The following CTIF variants were observed in gnomAD, a reference collection of about 807,000 sequenced individuals.
CTIF encodes the protein CBP80/20-dependent translation initiation factor.
A neutral mutation model predicts 66.0 loss-of-function variants in CTIF; 21 were observed. The observed-to-expected ratio is 0.32, with a 90% confidence interval of 0.23 to 0.46. CTIF has a LOEUF of 0.46. CTIF is among the 20% of genes least tolerant of loss of function. CTIF has a pLI of 1.00. For synonymous variants in CTIF, 345 were observed against 326.4 expected (o/e 1.06, Z -0.62); for missense variants, 739 against 812.7 (o/e 0.91, Z 1.10).
intron 9 of CTIF, among the ~76,000 whole-genome samples, chr18:48,790,893 C>T (rs1481539454): frequency 1.3e-5 from 2 of 152,190 alleles, no homozygotes; most frequent in Admixed American, 1.3e-4. Context: ...CCCGGATAGC[C>T]CTTCTCCTTC....
intron 10 of CTIF, among the ~76,000 whole-genome samples, chr18:48,834,047 C>A (rs1489398735): frequency 6.6e-6 from 1 of 152,146 alleles, no homozygotes; most frequent in Non-Finnish European, 1.5e-5. Flanking sequence ...CCTCCCCTCC[C>A]CTCCCGTTCT....
chr18:48,610,693 C>T (rs1244101784), intron 1 of CTIF, among the ~76,000 whole-genome samples: 8 of 152,366 alleles, frequency 5.3e-5, no homozygotes, highest in East Asian at 1.9e-4. Context: ...CCTTGCCTTC[C>T]GGCCAGCCAT....
At chr18:48,697,451 ATGG>A (rs2092023327) in intron 6 of CTIF, among the ~76,000 whole-genome samples, 2 of 152,222 alleles carry the variant, frequency 1.3e-5, no homozygotes, top group African/African-American at 4.8e-5. Context: ...ATTTGTGCTA[ATGG>A]TAAAAGCTGA....
At chr18:48,759,789 G>C (rs1342071384) in intron 8 of CTIF, among the ~76,000 whole-genome samples, 1 of 152,232 alleles carries the variant, frequency 6.6e-6, no homozygotes, top group African/African-American at 2.4e-5. Flanking sequence ...TCGGAAGAGA[G>C]GGGTACATGG....
chr18:48,624,917 A>G (rs184065591), intron 2 of CTIF, among the ~76,000 whole-genome samples: 5 of 152,324 alleles, frequency 3.3e-5, no homozygotes, highest in South Asian at 2.1e-4. Context: ...CTATAGCCCT[A>G]TTTTGATGCT....
At chr18:48,722,131 C>T (rs1274457688) in intron 7 of CTIF, among the ~76,000 whole-genome samples, 2 of 151,996 alleles carry the variant, frequency 1.3e-5, no homozygotes, top group Non-Finnish European at 2.9e-5. Flanking sequence ...TGCCTGCTGC[C>T]CCTGTGTATA....
intron 9 of CTIF, among the ~76,000 whole-genome samples, chr18:48,807,501 G>C (rs1481823281): frequency 9.6e-6 from 1 of 104,446 alleles, no homozygotes; most frequent in Non-Finnish European, 2.0e-5. Flanking sequence ...TGCAATTTCA[G>C]TTTTGCTTTT....
Position 48,752,181 on chromosome 18 carries a change from A to G in CTIF, c.585-5738A>G, listed in dbSNP as rs542627502. ...TCAATCTTGAATTGTTTTCTACCCAACTCTGAGCAAAGAGAGCCACAAAAT... is the reference window on the plus strand; with the variant it reads ...TCAATCTTGAATTGTTTTCTACCCAGCTCTGAGCAAAGAGAGCCACAAAAT... On this transcript the variant is annotated intron_variant, in intron 7 of 11. Transcript: ENST00000256413. 9.9e-5 allele frequency among the ~76,000 whole-genome samples: 15 copies of G among 152,234 alleles called. No individual in the cohort carries two copies. The South Asian group carries it at 1.7e-3, about 17-fold the overall frequency.
At chr18:48,699,088 C>G (rs952245629) in intron 6 of CTIF, among the ~76,000 whole-genome samples, 1 of 152,240 alleles carries the variant, frequency 6.6e-6, no homozygotes, top group African/African-American at 2.4e-5. Context: ...TCCTCTCTTC[C>G]CCACTCTTCT....
At chr18:48,586,837 C>G (rs1424766777) in intron 1 of CTIF, among the ~76,000 whole-genome samples, 5 of 152,092 alleles carry the variant, frequency 3.3e-5, no homozygotes. Context: ...AACAGATTCA[C>G]TCCAAAGCGG....
chr18:48,774,771 G>C (rs1467873941), intron 9 of CTIF, among the ~76,000 whole-genome samples: 1 of 152,158 alleles, frequency 6.6e-6, no homozygotes, highest in African/African-American at 2.4e-5. Context: ...CCAGTTTTCC[G>C]TAGAGCAAAG....
At chr18:48,581,431 C>CT (rs1180742684) in intron 1 of CTIF, among the ~76,000 whole-genome samples, 1 of 139,350 alleles carries the variant, frequency 7.2e-6, no homozygotes, top group African/African-American at 3.4e-5. Context: ...TCCCATTTCT[C>CT]TTTTTTTCCA....
intron 2 of CTIF, among the ~76,000 whole-genome samples, chr18:48,632,273 C>T (rs1040784875): frequency 6.6e-6 from 1 of 152,168 alleles, no homozygotes; most frequent in Non-Finnish European, 1.5e-5. Context: ...GTGGGTAGAG[C>T]TTGCTGTGCT....
chr18:48,659,097 C>T (rs1389865044), intron 3 of CTIF, among the ~76,000 whole-genome samples: 1 of 152,078 alleles, frequency 6.6e-6, no homozygotes, highest in African/African-American at 2.4e-5. Context: ...TTCTCCAGCC[C>T]CTGTTGATGA....
At chr18:48,731,108 G>A (rs2092453755) in intron 7 of CTIF, among the ~76,000 whole-genome samples, 1 of 152,154 alleles carries the variant, frequency 6.6e-6, no homozygotes. Context: ...GGAGCAGTGT[G>A]TGGCCCCTTT....
At chr18:48,827,176 G>A (rs1219556695) in intron 10 of CTIF, among the ~76,000 whole-genome samples, 1 of 152,160 alleles carries the variant, frequency 6.6e-6, no homozygotes, top group Non-Finnish European at 1.5e-5. Flanking sequence ...AAGGTTTTAA[G>A]CCAGAAAGCA....
chr18:48,757,317 G>T (rs1908469032), intron 7 of CTIF, among the ~76,000 whole-genome samples: 1 of 152,002 alleles, frequency 6.6e-6, no homozygotes, highest in African/African-American at 2.4e-5. Flanking sequence ...GGTGGATGGG[G>T]GACACAATTT....
At chr18:48,824,974 C>A (rs2068554600) in intron 10 of CTIF, among the ~76,000 whole-genome samples, 1 of 152,148 alleles carries the variant, frequency 6.6e-6, no homozygotes. Context: ...GTTCCATGCG[C>A]CTGTTTTCCT....
At chr18:48,817,189 G>A in intron 9 of CTIF, 32 bp from the exon 10 acceptor site, 5 of 1,603,842 alleles carry the variant, frequency 3.1e-6, no homozygotes, top group Non-Finnish European at 4.3e-6. Context: ...CCCAGCCCCG[G>A]GAGGCTGACG....
Sources: allele counts gnomAD v4.1 joint callset (sites outside exome capture counted in the v4.1 genomes callset), GRCh38; gene constraint gnomAD v4.1.1; transcripts MANE v1.5; gene names NCBI Gene and HGNC (gene_info 2026-07-23, HGNC 2026-07-21).